Variants in GRHPR observed in about 807,000 individuals in gnomAD.
GRHPR encodes glyoxylate and hydroxypyruvate reductase.
GRHPR carries 35 observed loss-of-function variants against 36.8 expected under a neutral mutation model. The ratio of observed to expected loss-of-function variants is 0.95; its 90% CI spans 0.73 to 1.26. GRHPR has a LOEUF of 1.26. Among genes scored for constraint, GRHPR ranks in the 50% most tolerant of loss-of-function variants. GRHPR has a pLI of 0.00. For synonymous variants in GRHPR, 179 were observed against 181.0 expected (o/e 0.99, Z 0.09); for missense variants, 380 against 435.0 (o/e 0.87, Z 1.12).
At chr9:37,437,246 C>G (rs145634794), downstream of GRHPR, among the ~76,000 whole-genome samples, 386 of 152,288 alleles carry the variant, frequency 2.5e-3, 2 homozygotes, top group African/African-American at 9.0e-3. Flanking sequence ...GGCAATGTAG[C>G]AAGACACCGT....
intron 1 of GRHPR, among the ~76,000 whole-genome samples, chr9:37,424,044 T>C (rs1822963237): frequency 6.6e-6 from 1 of 152,236 alleles, no homozygotes; most frequent in Non-Finnish European, 1.5e-5. Flanking sequence ...AGGAAGAGGA[T>C]GCAATCCAGC....
chr9:37,426,900 G>A (rs1220619881), intron 4 of GRHPR, among the ~76,000 whole-genome samples: 3 of 151,548 alleles, frequency 2.0e-5, no homozygotes, highest in Non-Finnish European at 4.4e-5. Context: ...GCAGTGAGCT[G>A]AGATCACACC....
rs1202935503 is a variant in GRHPR, at chr9:37,436,768, G to C, written c.973G>C (p.Glu325Gln). ...AGLRGEPMPSELKL is the reference protein window; with the variant it reads ...AGLRGEPMPSQLKL ...CCTGAGAGGGGAGCCGATGCCTAGT[G>C]AACTCAAGCTGTAGCCAAACAGTAG... is the stretch of plus-strand genomic sequence containing the variant. Residue 325 changes from glutamate to glutamine, a missense_variant, in exon 9 of 9, where the codon GAA becomes CAA. Coordinates refer to ENST00000318158, the MANE Select transcript of GRHPR (RefSeq NM_012203.2). 2 of 1,614,058 alleles carry C rather than the reference G, an allele frequency of 1.2e-6. No homozygotes were observed. The highest frequency in any genetic ancestry group is 1.7e-5 in the Admixed American group (1 of 60,014).
At chr9:37,437,862 A>G (rs772625167), downstream of GRHPR, among the ~76,000 whole-genome samples, 87 of 152,182 alleles carry the variant, frequency 5.7e-4, no homozygotes, top group Non-Finnish European at 1.0e-3. Context: ...GGAGCAGCAC[A>G]AGATTACGCA....
intron 7 of GRHPR, chr9:37,431,605 G>C (rs770414754): frequency 7.5e-6 from 2 of 267,558 alleles, no homozygotes; most frequent in Non-Finnish European, 1.5e-5. Context: ...GTGGGGGTCT[G>C]GGGGTCAACC....
chr9:37,436,299 G>A (rs1275004963), intron 8 of GRHPR, among the ~76,000 whole-genome samples: 1 of 152,136 alleles, frequency 6.6e-6, no homozygotes, highest in African/African-American at 2.4e-5. Flanking sequence ...TTGTAGAGAC[G>A]GGGTTTTGCC....
At chr9:37,425,861 C>T in intron 2 of GRHPR, 61 bp from the exon 3 acceptor site, 2 of 1,027,528 alleles carry the variant, frequency 1.9e-6, no homozygotes, top group Non-Finnish European at 3.1e-6. Context: ...TGATAGTCCC[C>T]AGTGCTGTGG....
intron 5 of GRHPR, chr9:37,429,009 CAG>C (rs766532496): frequency 6.1e-6 from 2 of 329,210 alleles, no homozygotes; most frequent in Non-Finnish European, 1.2e-5. Context: ...GCAGATGAGG[CAG>C]AGACACTTTT....
chr9:37,434,081 C>T, intron 8 of GRHPR: 3 of 273,510 alleles, frequency 1.1e-5, no homozygotes, highest in Non-Finnish European at 2.0e-5. Flanking sequence ...GGGACTGCTT[C>T]AAAAGGCAGG....
upstream of GRHPR, chr9:37,422,584 G>C (rs1476334776): frequency 3.0e-6 from 2 of 663,446 alleles, no homozygotes; most frequent in Non-Finnish European, 5.5e-6. Flanking sequence ...AGCACGCACA[G>C]TCACCGCTCA....
chr9:37,424,821 C>T (rs767723026), intron 1 of GRHPR, 24 bp from the exon 2 acceptor site: 1 of 1,611,136 alleles, frequency 6.2e-7, no homozygotes, highest in Admixed American at 1.7e-5. Context: ...CCTGCTTCTC[C>T]TGAGGGCCTC....
intron 8 of GRHPR, 138 bp downstream of exon 8, chr9:37,432,276 T>A: frequency 1.3e-6 from 1 of 770,120 alleles, no homozygotes; most frequent in South Asian, 1.5e-5. Flanking sequence ...ATCGTAAATG[T>A]TTATGTTGTC....
At chr9:37,434,412 T>C in intron 8 of GRHPR, 1 of 526,832 alleles carries the variant, frequency 1.9e-6, no homozygotes, top group Non-Finnish European at 3.4e-6. Flanking sequence ...ATGGAGAATG[T>C]CAAGGGGTCA....
intron 6 of GRHPR, 34 bp from the exon 7 acceptor site, chr9:37,430,477 A>T: frequency 1.9e-6 from 3 of 1,603,276 alleles, no homozygotes; most frequent in Non-Finnish European, 2.6e-6. Flanking sequence ...CTAGCCTGGG[A>T]CTCAGTGCCT....
chr9:37,422,709 A>G lies in GRHPR; in HGVS notation c.-42A>G, dbSNP rs1221971768. On this transcript the variant is annotated 5_prime_UTR_variant, in exon 1 of 9. Transcript: ENST00000318158. ...CCCGGCCCAGCTACATTCCCGGGCC[A>G]GCTTCTGTACTGCCAGGTCCGGGTC... is the stretch of plus-strand genomic sequence containing the variant. 10 of 1,456,926 alleles carry G rather than the reference A, an allele frequency of 6.9e-6. No individual in the cohort carries two copies. Among genetic ancestry groups the G allele is most frequent in the East Asian group, 2.5e-5 (1 of 40,764 alleles). 90.2% of individuals were successfully genotyped at this position (1,456,926 alleles called of 1,614,324 possible). A position where few individuals can be genotyped will look rare whatever the true frequency, so the allele number is the denominator to read the frequency against.
upstream of GRHPR, chr9:37,422,548 A>G (rs1189157992): frequency 3.3e-6 from 2 of 613,732 alleles, no homozygotes; most frequent in African/African-American, 1.8e-5. Context: ...GACACTGTGT[A>G]GGGTCACTGT....
chr9:37,429,366 C>T (rs774876015), intron 5 of GRHPR: 28 of 360,240 alleles, frequency 7.8e-5, no homozygotes, highest in Non-Finnish European at 1.4e-4. Context: ...AGCAGAGGGT[C>T]CAGGACAAAG....
chr9:37,432,793 TA>T (rs1386959879), intron 8 of GRHPR: 2 of 154,546 alleles, frequency 1.3e-5, no homozygotes, highest in Admixed American at 1.3e-4. Context: ...TGTGAAAAAT[TA>T]AAAGTGTAAT....
At position 37,436,895 on chromosome 9, in the gene GRHPR, G is replaced by GGAAA; in HGVS notation, c.*116_*119dup. 8.5e-7 allele frequency: 1 copy of GGAAA among 1,172,720 alleles called. No homozygotes were observed. Among genetic ancestry groups the GGAAA allele is most frequent in the Non-Finnish European group, 1.3e-6 (1 of 781,954 alleles). 72.6% of individuals were successfully genotyped at this position (1,172,720 alleles called of 1,614,324 possible). On this transcript the variant is annotated 3_prime_UTR_variant, in exon 9 of 9. Transcript: ENST00000318158. The stretch of plus-strand genomic sequence containing the variant: ...GCCAAGGGAAGGTGTGATTCTCTGA[G>GGAAA]GAAAGAGTGATTCTGATATATGTAC...
Sources: allele counts gnomAD v4.1 joint callset (sites outside exome capture counted in the v4.1 genomes callset), GRCh38; gene constraint gnomAD v4.1.1; transcripts MANE v1.5; gene names NCBI Gene and HGNC (gene_info 2026-07-23, HGNC 2026-07-21).